HOOK3: variants seen among roughly 807,000 people sequenced by gnomAD.
HOOK3 encodes the protein hook microtubule tethering protein 3, also known as protein Hook homolog 3.
A neutral mutation model predicts 116.3 loss-of-function variants in HOOK3; 24 were observed. The observed-to-expected ratio is 0.21, with a 90% CI of 0.15 to 0.29. The LOEUF (loss-of-function observed/expected upper bound fraction) is 0.29. Among genes scored for constraint, HOOK3 ranks in the 10% least tolerant of loss-of-function variants. The probability of loss-of-function intolerance (pLI) is 1.00; values close to 1 mark genes in which losing one functional copy is unlikely to be tolerated. For synonymous variants in HOOK3, 275 were observed against 283.0 expected, an observed-to-expected ratio of 0.97 and a Z score of 0.28; for missense variants, 632 against 830.2, an observed-to-expected ratio of 0.76 and a Z score of 2.93.
intron 2 of HOOK3, among the ~76,000 whole-genome samples, chr8:42,919,087 G>A (rs1373931004): frequency 1.3e-5 from 2 of 150,844 alleles, no homozygotes; most frequent in East Asian, 4.0e-4. Context: ...CCGGGCGGGG[G>A]CTGCCCCCCA....
At chr8:43,008,653 TTTTATTTTTA>T (rs1413002460) in intron 18 of HOOK3, among the ~76,000 whole-genome samples, 4 of 148,752 alleles carry the variant, frequency 2.7e-5, no homozygotes, top group African/African-American at 9.8e-5. Context: ...TTATTTTTAT[TTTTATTTTTA>T]TTTTTTTTTT....
intron 1 of HOOK3, among the ~76,000 whole-genome samples, chr8:42,902,676 T>C (rs776519687): frequency 4.6e-5 from 7 of 152,208 alleles, no homozygotes; most frequent in Non-Finnish European, 1.0e-4. Flanking sequence ...ATTTTCTCAT[T>C]CATTCTGAAG....
At chr8:42,925,094 C>T (rs1168026600) in intron 2 of HOOK3, among the ~76,000 whole-genome samples, 1 of 151,484 alleles carries the variant, frequency 6.6e-6, no homozygotes, top group Non-Finnish European at 1.5e-5. Flanking sequence ...TGTTTTTGTT[C>T]GGTTTTTTGT....
intron 15 of HOOK3, among the ~76,000 whole-genome samples, chr8:42,996,831 T>C (rs1351328407): frequency 6.6e-6 from 1 of 152,042 alleles, no homozygotes; most frequent in African/African-American, 2.4e-5. Context: ...TTTTATCTGA[T>C]TGTATTTTAT....
rs1301897326 is a variant in HOOK3 at position 43,026,985 on chromosome 8, G to A, written c.*8487G>A. Reference sequence around the variant, plus strand: ...CAGCTCACTGCAGCCTCCACCTCCCGGTTTCAAGTGATTCTCCCACCTCAG... The same window carrying A: ...CAGCTCACTGCAGCCTCCACCTCCCAGTTTCAAGTGATTCTCCCACCTCAG... On this transcript the variant is annotated 3_prime_UTR_variant, in exon 22 of 22. Coordinates refer to ENST00000307602, the MANE Select transcript of HOOK3 (RefSeq NM_032410.4). 3 of 181,606 alleles carry A rather than the reference G, an allele frequency of 1.7e-5. No homozygotes were observed. The highest frequency in any genetic ancestry group is 3.5e-5 in the Non-Finnish European group (3 of 85,278). 11.2% of individuals were successfully genotyped at this position (181,606 alleles called of 1,614,324 possible).
intron 6 of HOOK3, among the ~76,000 whole-genome samples, chr8:42,954,254 C>T (rs181527872): frequency 2.6e-5 from 4 of 152,110 alleles, no homozygotes; most frequent in Admixed American, 2.0e-4. Flanking sequence ...TTTTCTTTAC[C>T]CTTTTCTATA....
intron 1 of HOOK3, among the ~76,000 whole-genome samples, chr8:42,901,033 T>C (rs1277226016): frequency 1.3e-5 from 2 of 152,244 alleles, no homozygotes; most frequent in African/African-American, 2.4e-5. Flanking sequence ...CTTTGCTGTG[T>C]GGGCACTGCA....
At chr8:42,956,765 A>G (rs1808443678) in intron 6 of HOOK3, among the ~76,000 whole-genome samples, 1 of 152,042 alleles carries the variant, frequency 6.6e-6, no homozygotes, top group Admixed American at 6.6e-5. Flanking sequence ...TTGTATTTTT[A>G]GTAGAGATGG....
chr8:42,945,156 C>T (rs1278122429), intron 5 of HOOK3, among the ~76,000 whole-genome samples: 1 of 152,032 alleles, frequency 6.6e-6, no homozygotes, highest in Non-Finnish European at 1.5e-5. Flanking sequence ...CATTATAGTA[C>T]CTACCTCCTA....
At chr8:42,939,597 C>T (rs1472251745) in intron 4 of HOOK3, among the ~76,000 whole-genome samples, 21 of 144,308 alleles carry the variant, frequency 1.5e-4, no homozygotes, top group South Asian at 4.3e-4. Context: ...CCCTCCCGGA[C>T]GGGCTGGCTG....
intron 11 of HOOK3, among the ~76,000 whole-genome samples, chr8:42,969,051 TCA>T (rs1416390758): frequency 1.3e-5 from 2 of 152,228 alleles, no homozygotes; most frequent in African/African-American, 4.8e-5. Context: ...TGCTGCTCTC[TCA>T]GTTAGTCTCT....
At chr8:42,913,517 G>C (rs1015456204) in intron 2 of HOOK3, among the ~76,000 whole-genome samples, 1 of 152,190 alleles carries the variant, frequency 6.6e-6, no homozygotes, top group Non-Finnish European at 1.5e-5. Flanking sequence ...CCATTCATCT[G>C]TTGATGAACA....
At chr8:43,010,991 T>A (rs1267604904) in intron 19 of HOOK3, among the ~76,000 whole-genome samples, 1 of 150,310 alleles carries the variant, frequency 6.7e-6, no homozygotes, top group African/African-American at 2.4e-5. Flanking sequence ...GTTAAGGGGG[T>A]CCATTTTCTT....
chr8:43,015,920 C>T (rs952351158), intron 21 of HOOK3, among the ~76,000 whole-genome samples: 7 of 150,250 alleles, frequency 4.7e-5, no homozygotes, highest in African/African-American at 1.7e-4. Flanking sequence ...GTTTCACCAT[C>T]TTGGCCAGGC....
rs954820693 is a variant in HOOK3 at position 43,013,237 on chromosome 8, T to C, written c.1944+82T>C. 2.1e-6 allele frequency: 3 copies of C among 1,395,594 alleles called. No individual in the cohort carries two copies. The African/African-American group carries it at 4.4e-5, about 20-fold the overall frequency. The allele number at this position is 1,395,594 out of a possible 1,614,324, so 86.5% of individuals were successfully genotyped here. ...GCCTTGTTATATTTTACAATTGTGT[T>C]CATGAGTTTTAACAATTAATTGTAA... On this transcript the variant is annotated intron_variant, in intron 20 of 21. Coordinates refer to ENST00000307602, the MANE Select transcript of HOOK3 (RefSeq NM_032410.4).
chr8:42,935,194 CGA>C (rs1807943759), intron 4 of HOOK3, among the ~76,000 whole-genome samples: 1 of 151,902 alleles, frequency 6.6e-6, no homozygotes, highest in South Asian at 2.1e-4. Flanking sequence ...TGTCTTCTTT[CGA>C]GAAGTGTCTG....
At chr8:43,005,368 C>T (rs1809464180) in intron 17 of HOOK3, among the ~76,000 whole-genome samples, 1 of 151,732 alleles carries the variant, frequency 6.6e-6, no homozygotes, top group Admixed American at 6.6e-5. Flanking sequence ...CCACAGTCAT[C>T]TGCCACCACG....
rs576341999 is a variant in HOOK3 at position 43,021,825 on chromosome 8, C to T, written c.*3327C>T. The T allele has an allele frequency of 1.5e-4, 24 of 159,052 alleles. No individual in the cohort carries two copies. In the South Asian group the frequency reaches 4.3e-3, roughly 29 times the overall value. The allele number at this position is 159,052 out of a possible 1,614,324, so 9.9% of individuals were successfully genotyped here. ...CGGGGACTACAGGCGCCCGCCACTA[C>T]GCCCGACTAATTTTTTGTATTTTTT... On this transcript the variant is annotated 3_prime_UTR_variant, in exon 22 of 22. Transcript: ENST00000307602.
At chr8:42,939,646 C>T (rs529028992) in intron 4 of HOOK3, among the ~76,000 whole-genome samples, 6 of 150,040 alleles carry the variant, frequency 4.0e-5, no homozygotes, top group Non-Finnish European at 7.4e-5. Context: ...CCCTCCCGGA[C>T]GGGGTGGCTG....
Sources: allele counts gnomAD v4.1 joint callset (sites outside exome capture counted in the v4.1 genomes callset), GRCh38; gene constraint gnomAD v4.1.1; transcripts MANE v1.5; gene names NCBI Gene and HGNC (gene_info 2026-07-23, HGNC 2026-07-21).